The following FRMPD4 variants were observed in gnomAD, a reference collection of about 807,000 sequenced individuals.
The protein encoded by FRMPD4 is FERM and PDZ domain containing 4.
FRMPD4 carries 22 observed loss-of-function variants against 94.1 expected under a neutral mutation model. That is an observed-to-expected ratio of 0.23 (90% CI 0.17 to 0.33). The LOEUF (loss-of-function observed/expected upper bound fraction) is 0.33, where lower values mean the gene tolerates loss of function less well. FRMPD4 is among the 10% of genes least tolerant of loss of function. FRMPD4 has a pLI of 1.00. For synonymous variants in FRMPD4, 631 were observed against 548.6 expected (o/e 1.15, Z -2.10); for missense variants, 1,111 against 1,339.9 (o/e 0.83, Z 2.67).
intron 3 of FRMPD4, among the ~76,000 whole-genome samples, chrX:12,010,722 A>G (rs1204507987): frequency 8.9e-6 from 1 of 112,752 alleles, no homozygotes; most frequent in Non-Finnish European, 1.9e-5. Context: ...GTGCAATTAA[A>G]ACTATAATAT....
intron 1 of FRMPD4, among the ~76,000 whole-genome samples, chrX:12,208,910 A>G: frequency 8.9e-6 from 1 of 112,162 alleles, no homozygotes; most frequent in Non-Finnish European, 1.9e-5. Context: ...AAACTACAAC[A>G]ACAATTATAA....
chrX:11,970,177 A>G (rs768088718), intron 3 of FRMPD4, among the ~76,000 whole-genome samples: 1 of 112,256 alleles, frequency 8.9e-6, no homozygotes, highest in South Asian at 3.7e-4. Context: ...AAGGTTCTGC[A>G]TTTCCTTTTC....
chrX:12,505,751 G>T lies in FRMPD4; in HGVS notation c.158+6955G>T, dbSNP rs201665912. On this transcript the variant is annotated intron_variant, in intron 2 of 16. Coordinates refer to ENST00000675598, the MANE Select transcript of FRMPD4 (RefSeq NM_001368397.1). ...CGAAAAAAAAAAAAAAAAAAAAAAG[G>T]GGGGGAGAGCAACTGAGACGGGAGG... Among the ~76,000 whole-genome samples, 178 of 89,609 alleles carry T rather than the reference G, an allele frequency of 2.0e-3. 4 individuals are homozygous for T. The highest frequency in any genetic ancestry group is 0.013 in the South Asian group (28 of 2,084). The allele number at this position is 89,609 out of a possible 115,157, so 77.8% of individuals were successfully genotyped here. A position where few individuals can be genotyped will look rare whatever the true frequency, so the allele number is the denominator to read the frequency against.
chrX:12,409,304 C>T (rs977202350), intron 1 of FRMPD4, among the ~76,000 whole-genome samples: 5 of 111,492 alleles, frequency 4.5e-5, no homozygotes, highest in Non-Finnish European at 7.5e-5. Flanking sequence ...GCCGAAGATG[C>T]TGCTGAACAC....
intron 1 of FRMPD4, among the ~76,000 whole-genome samples, chrX:12,196,022 G>A (rs1207480915): frequency 9.0e-6 from 1 of 111,690 alleles, no homozygotes; most frequent in African/African-American, 3.3e-5. Flanking sequence ...ATTAGAAGTT[G>A]CATATTTGTT....
At chrX:12,253,913 T>C (rs746371778) in intron 1 of FRMPD4, among the ~76,000 whole-genome samples, 126 of 111,446 alleles carry the variant, frequency 1.1e-3, no homozygotes, top group African/African-American at 3.8e-3. Context: ...ATAATGTTTG[T>C]TGGGTTTTTT....
At chrX:12,411,935 T>C (rs765926656) in intron 1 of FRMPD4, among the ~76,000 whole-genome samples, 4 of 111,599 alleles carry the variant, frequency 3.6e-5, no homozygotes, top group Non-Finnish European at 5.7e-5. Context: ...GTCTTTTACT[T>C]GGGCAAGTTT....
intron 1 of FRMPD4, among the ~76,000 whole-genome samples, chrX:12,169,777 G>A (rs2147644420): frequency 8.9e-6 from 1 of 112,936 alleles, no homozygotes; most frequent in South Asian, 3.6e-4. Context: ...TACAAAAGAA[G>A]TGAAATATAA....
chrX:12,052,984 T>G (rs1053158606), intron 3 of FRMPD4, among the ~76,000 whole-genome samples: 1 of 111,144 alleles, frequency 9.0e-6, no homozygotes, highest in African/African-American at 3.3e-5. Flanking sequence ...TGGATCACGC[T>G]CTCTCTAGCT....
intron 1 of FRMPD4, among the ~76,000 whole-genome samples, chrX:12,215,140 G>C (rs1392780252): frequency 8.9e-6 from 1 of 111,893 alleles, no homozygotes; most frequent in Non-Finnish European, 1.9e-5. Context: ...TGGGTAGTGA[G>C]TCGGTGTGAG....
At chrX:12,323,001 A>C (rs1370505427) in intron 1 of FRMPD4, among the ~76,000 whole-genome samples, 1 of 111,881 alleles carries the variant, frequency 8.9e-6, no homozygotes, top group Non-Finnish European at 1.9e-5. Flanking sequence ...AGTTTGATGA[A>C]CTATGCTATG....
At chrX:12,276,849 C>CG (rs1465335472) in intron 1 of FRMPD4, among the ~76,000 whole-genome samples, 5 of 111,341 alleles carry the variant, frequency 4.5e-5, no homozygotes, top group African/African-American at 1.6e-4. Context: ...TGGCCGGGCG[C>CG]GGTGGCTCAC....
chrX:12,144,226 A>G (rs759337009), intron 1 of FRMPD4, among the ~76,000 whole-genome samples: 2 of 112,264 alleles, frequency 1.8e-5, no homozygotes, highest in South Asian at 7.4e-4. Context: ...AGGCTGTATC[A>G]ATTTGGAGTT....
At chrX:12,166,799 AAT>A (rs1188146923) in intron 1 of FRMPD4, among the ~76,000 whole-genome samples, 1 of 111,706 alleles carries the variant, frequency 9.0e-6, no homozygotes, top group African/African-American at 3.3e-5. Context: ...TGTGTCCAGG[AAT>A]TTATCCATTT....
At chrX:11,903,707 C>A (rs1470985453) in intron 3 of FRMPD4, among the ~76,000 whole-genome samples, 2 of 112,221 alleles carry the variant, frequency 1.8e-5, no homozygotes, top group Non-Finnish European at 3.8e-5. Context: ...TAGTAAAGGG[C>A]TTCTTTTGTC....
intron 1 of FRMPD4, among the ~76,000 whole-genome samples, chrX:12,434,149 C>T (rs183149031): frequency 1.8e-5 from 2 of 111,765 alleles, no homozygotes; most frequent in East Asian, 5.6e-4. Context: ...GGTTGTGTTC[C>T]TTCAATGCTT....
chrX:12,302,973 C>T (rs2054883455), intron 1 of FRMPD4, among the ~76,000 whole-genome samples: 1 of 111,380 alleles, frequency 9.0e-6, no homozygotes, highest in Admixed American at 9.5e-5. Flanking sequence ...TGGTCATTGC[C>T]AGTGATACTG....
At position 11,847,268 on chromosome X, in the gene FRMPD4, A is replaced by C. The variant is rs1278219387; in HGVS notation, c.-160-17818A>C. 8.2e-5 allele frequency among the ~76,000 whole-genome samples: 9 copies of C among 109,332 alleles called. No individual in the cohort carries two copies. In the South Asian group the frequency reaches 3.2e-3, roughly 39 times the overall value. The allele number at this position is 109,332 out of a possible 115,157, so 94.9% of individuals were successfully genotyped here. ...AAAGAAGACATTTATGCAGCCAAAA[A>C]ACACATGAAAAAATGCTCACCATCA... On this transcript the variant is annotated intron_variant, in intron 1 of 18. Transcript: ENST00000640291.
intron 2 of FRMPD4, among the ~76,000 whole-genome samples, chrX:12,540,869 C>T (rs990457471): frequency 4.5e-5 from 5 of 111,781 alleles, no homozygotes; most frequent in African/African-American, 1.6e-4. Context: ...ATGTAAAAAA[C>T]GGAAATTATA....
Sources: allele counts gnomAD v4.1 joint callset (sites outside exome capture counted in the v4.1 genomes callset), GRCh38; gene constraint gnomAD v4.1.1; transcripts MANE v1.5; gene names NCBI Gene and HGNC (gene_info 2026-07-23, HGNC 2026-07-21).